The following TMEM120B variants were observed in gnomAD, a reference collection of about 807,000 sequenced individuals.
The protein encoded by TMEM120B is transmembrane protein 120B.
TMEM120B carries 31 observed loss-of-function variants against 55.5 expected under a neutral mutation model. The observed-to-expected ratio is 0.56, with a 90% CI of 0.42 to 0.75. The LOEUF (loss-of-function observed/expected upper bound fraction) is 0.75, where lower values mean the gene tolerates loss of function less well. Among genes scored for constraint, TMEM120B ranks in the 30% least tolerant of loss-of-function variants. The pLI, the probability that TMEM120B is intolerant of heterozygous loss-of-function variation, is 0.00. For missense variants in TMEM120B, 399 were observed against 425.5 expected, an observed-to-expected ratio of 0.94 and a Z score of 0.55; for synonymous variants, 203 against 176.3, an observed-to-expected ratio of 1.15 and a Z score of -1.20.
chr12:121,732,831 T>G (rs1473025548), intron 1 of TMEM120B, among the ~76,000 whole-genome samples: 1 of 151,874 alleles, frequency 6.6e-6, no homozygotes, highest in Non-Finnish European at 1.5e-5. Context: ...TACAAAAAAT[T>G]AGCCGGGCGT....
intron 3 of TMEM120B, 116 bp downstream of exon 3, chr12:121,748,558 A>G (rs55775605): frequency 0.054 from 38,024 of 703,842 alleles, 1,950 homozygotes; most frequent in African/African-American, 0.21. Flanking sequence ...AAAGAGGGAA[A>G]CAAGGGCAGG....
intron 2 of TMEM120B, among the ~76,000 whole-genome samples, chr12:121,744,600 C>T (rs937565629): frequency 1.3e-5 from 2 of 152,244 alleles, no homozygotes; most frequent in Non-Finnish European, 1.5e-5. Context: ...AGGCCTGGAT[C>T]GTGTTCATTT....
chr12:121,749,905 C>CAAAAAAAA (rs112189031), intron 3 of TMEM120B, among the ~76,000 whole-genome samples: 1 of 79,852 alleles, frequency 1.3e-5, no homozygotes, highest in Admixed American at 1.6e-4. Context: ...GACTCTGTCT[C>CAAAAAAAA]AAAAAAAAAA....
chr12:121,731,179 A>G (rs1170769491), intron 1 of TMEM120B, among the ~76,000 whole-genome samples: 1 of 152,172 alleles, frequency 6.6e-6, no homozygotes, highest in Non-Finnish European at 1.5e-5. Context: ...TGTGTCTGTC[A>G]AAGACAGTGG....
rs201682479 is a variant in TMEM120B at position 121,781,094 on chromosome 12, C to T, written c.*5372C>T. 1.7e-4 allele frequency: 267 copies of T among 1,614,198 alleles called. 1 individual carries two copies. The highest frequency in any genetic ancestry group is 3.8e-4 in the Admixed American group (23 of 60,024). On this transcript the variant is annotated 3_prime_UTR_variant, in exon 12 of 12. Coordinates refer to ENST00000449592, the MANE Select transcript of TMEM120B (RefSeq NM_001080825.2). ...GAGGCCGGCCTCACCTTGATGAGGA[C>T]GTTGTCGTAGCTGGTGGGATTCATG...
chr12:121,737,189 A>C (rs1872771414), intron 1 of TMEM120B, among the ~76,000 whole-genome samples: 1 of 152,096 alleles, frequency 6.6e-6, no homozygotes. Flanking sequence ...GGCATAATAA[A>C]GAATAGGTGA....
intron 1 of TMEM120B, among the ~76,000 whole-genome samples, chr12:121,715,572 A>T (rs1377479051): frequency 6.6e-6 from 1 of 152,072 alleles, no homozygotes; most frequent in African/African-American, 2.4e-5. Context: ...AGTGAGTGGA[A>T]ACTGATGCCT....
intron 8 of TMEM120B, among the ~76,000 whole-genome samples, chr12:121,772,035 CTTT>C (rs1566526386): frequency 1.1e-3 from 124 of 114,400 alleles, no homozygotes; most frequent in Non-Finnish European, 1.7e-3. Flanking sequence ...CCCTTTCTTT[CTTT>C]CTCTTTCTTT....
intron 1 of TMEM120B, among the ~76,000 whole-genome samples, chr12:121,736,105 A>G (rs1191493652): frequency 1.3e-5 from 2 of 152,138 alleles, no homozygotes; most frequent in Non-Finnish European, 2.9e-5. Context: ...TTTTCTCTAA[A>G]TGGAAGCTTA....
At chr12:121,730,882 C>G (rs1894989175) in intron 1 of TMEM120B, among the ~76,000 whole-genome samples, 1 of 151,734 alleles carries the variant, frequency 6.6e-6, no homozygotes. Context: ...CACTTGAACC[C>G]AGGAGGCGGA....
intron 1 of TMEM120B, among the ~76,000 whole-genome samples, chr12:121,721,038 C>T (rs567282193): frequency 1.3e-4 from 20 of 152,290 alleles, no homozygotes; most frequent in Admixed American, 1.1e-3. Flanking sequence ...TCTCAGAGGA[C>T]AGCAGAGGTG....
intron 5 of TMEM120B, among the ~76,000 whole-genome samples, chr12:121,756,078 T>G (rs141439197): frequency 5.9e-4 from 89 of 152,124 alleles, no homozygotes; most frequent in African/African-American, 2.0e-3. Context: ...GCCTGCAAGG[T>G]TATAAGTTCC....
chr12:121,743,646 C>T lies in TMEM120B; in HGVS notation c.87C>T (p.Tyr29=), dbSNP rs201114548. 742 of 1,613,548 alleles carry T rather than the reference C, an allele frequency of 4.6e-4. 5 individuals are homozygous for T. The highest frequency in any genetic ancestry group is 4.0e-3 in the Middle Eastern group (24 of 6,024). The change falls in exon 2 of 12, where the codon TAC becomes TAT. Residue 29 remains tyrosine, a synonymous_variant. Transcript: ENST00000449592. ...FQELQETHRI[Y]KQKLEELAAL... is the part of the protein sequence containing the mutation. ...TTCTTCAGGAGACGCACAGGATCTA[C>T]AAGCAGAAGCTGGAGGAGCTGGCTG...
chr12:121,752,512 G>A (rs570083215), intron 5 of TMEM120B, among the ~76,000 whole-genome samples: 4 of 151,806 alleles, frequency 2.6e-5, no homozygotes, highest in Non-Finnish European at 4.4e-5. Context: ...CAGTACTTTG[G>A]GAGGCCGAGG....
In TMEM120B at chr12:121,775,803, C is replaced by T. The variant is rs1037177506; in HGVS notation, c.*81C>T. Reference sequence around the variant, plus strand: ...TCCTTCCCAGCAGCCCTCTCAGGCCCGTGGCATCGCTGGGAGAGGGCCCAG... The same window carrying T: ...TCCTTCCCAGCAGCCCTCTCAGGCCTGTGGCATCGCTGGGAGAGGGCCCAG... On this transcript the variant is annotated 3_prime_UTR_variant, in exon 12 of 12. Coordinates refer to ENST00000449592, the MANE Select transcript of TMEM120B (RefSeq NM_001080825.2). The surrounding 1 kb of genome is among the most constrained non-coding windows in gnomAD (Gnocchi z 4.3). 14 of 1,468,636 alleles carry T rather than the reference C, an allele frequency of 9.5e-6. No individual in the cohort carries two copies. The highest frequency in any genetic ancestry group is 5.5e-5 in the African/African-American group (4 of 72,232). 91.0% of individuals were successfully genotyped at this position (1,468,636 alleles called of 1,614,324 possible).
At chr12:121,723,302 G>C (rs1292420210) in intron 1 of TMEM120B, among the ~76,000 whole-genome samples, 1 of 151,990 alleles carries the variant, frequency 6.6e-6, no homozygotes, top group African/African-American at 2.4e-5. Flanking sequence ...TGAGTAGCTG[G>C]GACTACAGGC....
chr12:121,756,750 ACT>A (rs1461267364), intron 5 of TMEM120B, among the ~76,000 whole-genome samples: 1 of 152,106 alleles, frequency 6.6e-6, no homozygotes. Flanking sequence ...GACAACAGTC[ACT>A]CTCTGCCCAC....
intron 1 of TMEM120B, among the ~76,000 whole-genome samples, chr12:121,732,233 C>T (rs1021644169): frequency 5.9e-5 from 9 of 152,332 alleles, no homozygotes; most frequent in Middle Eastern, 3.4e-3. Context: ...GTGGAATCCA[C>T]GAAGACTGGG....
chr12:121,729,515 T>C (rs1362049762), intron 1 of TMEM120B, among the ~76,000 whole-genome samples: 1 of 152,006 alleles, frequency 6.6e-6, no homozygotes, highest in Non-Finnish European at 1.5e-5. Flanking sequence ...CCTAAAACAA[T>C]TGAAAGCAGG....
Sources: allele counts gnomAD v4.1 joint callset (sites outside exome capture counted in the v4.1 genomes callset), GRCh38; gene constraint gnomAD v4.1.1; non-coding constraint Gnocchi (gnomAD v3.1); transcripts MANE v1.5; gene names NCBI Gene and HGNC (gene_info 2026-07-23, HGNC 2026-07-21).